The following CYP4F2 variants were observed in gnomAD, a reference collection of about 807,000 sequenced individuals.
The protein encoded by CYP4F2 is cytochrome P450 4F2.
A neutral mutation model predicts 58.9 loss-of-function variants in CYP4F2; 58 were observed. The observed-to-expected ratio is 0.98, with a 90% CI of 0.80 to 1.23. The LOEUF (loss-of-function observed/expected upper bound fraction) is 1.23. Among genes scored for constraint, CYP4F2 ranks in the 50% most tolerant of loss-of-function variants. The probability of loss-of-function intolerance (pLI) is 0.00; values close to 1 mark genes in which losing one functional copy is unlikely to be tolerated. For missense variants in CYP4F2, 616 were observed against 685.6 expected (o/e 0.90, Z 1.13); for synonymous variants, 287 against 261.1 (o/e 1.10, Z -0.95).
At position 15,886,311 on chromosome 19, in the gene CYP4F2, G is replaced by C; in HGVS notation, c.919-3C>G. On this transcript the variant is annotated splice_polypyrimidine_tract_variant and splice_region_variant and intron_variant, in intron 7 of 12. Coordinates refer to ENST00000221700, the MANE Select transcript of CYP4F2 (RefSeq NM_001082.5). Reference sequence around the variant, plus strand: ...GATAACTTCTTCCCGTCTTCATCCTGGAGAGAAGGCAGTAACCCCCCCCAA... The same window carrying C: ...GATAACTTCTTCCCGTCTTCATCCTCGAGAGAAGGCAGTAACCCCCCCCAA... 1.2e-6 allele frequency: 2 copies of C among 1,612,550 alleles called. No homozygotes were observed. The highest frequency in any genetic ancestry group is 1.7e-6 in the Non-Finnish European group (2 of 1,179,818).
Position 15,879,757 on chromosome 19 carries a change from T to G in CYP4F2, c.1249+7A>C, listed in dbSNP as rs1231302039. 1 of 1,613,884 alleles carries G rather than the reference T, an allele frequency of 6.2e-7. No homozygotes were observed. The highest frequency in any genetic ancestry group is 1.3e-5 in the African/African-American group (1 of 74,912). On this transcript the variant is annotated splice_region_variant and intron_variant, in intron 10 of 12. Transcript: ENST00000221700. ...CAGGAGACTCCTCCCCGTGAGGCTG[T>G]GAGCACCTTTGGGGATGACCCGGCC... is the stretch of plus-strand genomic sequence containing the variant.
At position 15,895,534 on chromosome 19, in the gene CYP4F2, G is replaced by A. The variant is rs1319272589; in HGVS notation, c.315C>T (p.Asp105=). The part of the protein sequence containing the change: ...ISPLLSLCHP[D]IIRSVINASA... ...AGGCGTTGATGACAGACCGGATGAT[G>A]TCGGGGTGGCACAAACTGAGGAGGG... Residue 105 remains aspartate, a synonymous_variant, in exon 3 of 13, where the codon GAC becomes GAT. Transcript: ENST00000221700. 6.5e-7 allele frequency: 1 copy of A among 1,543,308 alleles called. No homozygotes were observed. The highest frequency in any genetic ancestry group is 2.4e-5 in the Admixed American group (1 of 42,154).
chr19:15,892,349 G>T lies in CYP4F2; in HGVS notation c.485C>A (p.Pro162His). The T allele has an allele frequency of 6.2e-7, 1 of 1,614,106 alleles. No individual in the cohort carries two copies. Among genetic ancestry groups the T allele is most frequent in the South Asian group, 1.1e-5 (1 of 91,064 alleles). ...ACTCTCATTGAAAATCTTCATATAG[G>T]GCTTCAGGATGTTGAAATGGAAGGC... ...TPAFHFNILKPYMKIFNESVN... is the reference protein window; with the variant it reads ...TPAFHFNILKHYMKIFNESVN... The change falls in exon 5 of 13, where the codon CCC becomes CAC. Residue 162 changes from proline to histidine, a missense_variant. By Grantham distance (77) the Pro-to-His change is moderately conservative (BLOSUM62 -2). Transcript: ENST00000221700.
At position 15,878,855 on chromosome 19, in the gene CYP4F2, A is replaced by G. The variant is rs749602056; in HGVS notation, c.1479T>C (p.Pro493=). ...GCTTCCTGCGGGGCTCGGTGTGGTCAGGCAGGACGCGGAAGCGCAGCAGCG... is the reference window on the plus strand; with the variant it reads ...GCTTCCTGCGGGGCTCGGTGTGGTCGGGCAGGACGCGGAAGCGCAGCAGCG... ...ALTLLRFRVL[P]DHTEPRRKPE... Residue 493 remains proline (P), a synonymous_variant, in exon 13 of 13, where the codon CCT becomes CCC. Coordinates refer to ENST00000221700, the MANE Select transcript of CYP4F2 (RefSeq NM_001082.5). The G allele has an allele frequency of 3.1e-6, 5 of 1,614,056 alleles. No homozygotes were observed. Among genetic ancestry groups the G allele is most frequent in the Non-Finnish European group, 4.2e-6 (5 of 1,179,998 alleles).
intron 7 of CYP4F2, among the ~76,000 whole-genome samples, chr19:15,888,775 C>A (rs2089398287): frequency 6.6e-6 from 1 of 152,076 alleles, no homozygotes; most frequent in South Asian, 2.1e-4. Context: ...ATAGACATAG[C>A]ATTGACATAG....
intron 9 of CYP4F2, among the ~76,000 whole-genome samples, chr19:15,884,102 G>A (rs1213987341): frequency 6.6e-6 from 1 of 151,894 alleles, no homozygotes; most frequent in African/African-American, 2.4e-5. Context: ...AAGAGAGAGA[G>A]GGAGGGAGGG....
In CYP4F2 at chr19:15,894,976, G is replaced by A. The variant is rs567065145; in HGVS notation, c.343+530C>T. On this transcript the variant is annotated intron_variant, in intron 3 of 12. Coordinates refer to ENST00000221700, the MANE Select transcript of CYP4F2 (RefSeq NM_001082.5). ...CCACCAGCCACAAGTCCTCCTCATTGTTCTAGGCTTTGGGACAGGCAAGGT... is the reference window on the plus strand; with the variant it reads ...CCACCAGCCACAAGTCCTCCTCATTATTCTAGGCTTTGGGACAGGCAAGGT... 8.5e-5 allele frequency among the ~76,000 whole-genome samples: 13 copies of A among 152,318 alleles called. No homozygotes were observed. In the East Asian group the frequency reaches 1.4e-3, roughly 16 times the overall value.
intron 3 of CYP4F2, among the ~76,000 whole-genome samples, chr19:15,894,538 G>A (rs3093119): frequency 6.6e-6 from 1 of 152,212 alleles, no homozygotes; most frequent in African/African-American, 2.4e-5. Context: ...CAGTGACCTT[G>A]TGTGAGACCT....
chr19:15,889,642 T>C lies in CYP4F2; in HGVS notation c.699A>G (p.Ser233=). The C allele has an allele frequency of 1.9e-6, 3 of 1,614,126 alleles. No individual in the cohort carries two copies. Among genetic ancestry groups the C allele is most frequent in the Non-Finnish European group, 2.5e-6 (3 of 1,180,006 alleles). The change falls in exon 7 of 13, where the codon TCA becomes TCG. Residue 233 remains serine, a synonymous_variant. Transcript: ENST00000221700. ...GCAGGAGGATCTCATGGTGTCTTTT[T>C]GATACAAGGGCACTGAGCTCCAAGA... ...AAILELSALV[S]KRHHEILLHI...
chr19:15,884,946 T>C (rs1428320174), intron 9 of CYP4F2, among the ~76,000 whole-genome samples: 2 of 152,158 alleles, frequency 1.3e-5, no homozygotes, highest in African/African-American at 2.4e-5. Flanking sequence ...CCTATTGCCA[T>C]TGGGCTAAAA....
intron 6 of CYP4F2, 62 bp downstream of exon 6, chr19:15,890,250 C>T (rs1166256319): frequency 6.2e-7 from 1 of 1,611,928 alleles, no homozygotes; most frequent in Admixed American, 1.7e-5. Context: ...TTAGTCCTCC[C>T]TCTCCCACCT....
At chr19:15,893,345 C>T (rs1223096048) in intron 3 of CYP4F2, among the ~76,000 whole-genome samples, 1 of 151,874 alleles carries the variant, frequency 6.6e-6, no homozygotes, top group African/African-American at 2.4e-5. Context: ...CAGGAGAAAA[C>T]GGCAGTGTCA....
chr19:15,878,999 G>A lies in CYP4F2; in HGVS notation c.1398-63C>T, dbSNP rs895531998. ...AGCCCCATCCTGGCCCCATCAAGCC[G>A]GTAACCTGGCCTGGGACACCCAACC... On this transcript the variant is annotated intron_variant, in intron 12 of 12. Transcript: ENST00000221700. The A allele has an allele frequency of 1.0e-5, 16 of 1,588,844 alleles. 1 individual carries two copies. In the South Asian group the frequency reaches 1.0e-4, roughly 10 times the overall value.
At chr19:15,886,182 C>T in intron 8 of CYP4F2, 60 bp downstream of exon 8, 1 of 1,612,350 alleles carries the variant, frequency 6.2e-7, no homozygotes, top group Non-Finnish European at 8.5e-7. Flanking sequence ...GGTCTACCCA[C>T]CCTGTTCCTG....
At chr19:15,885,084 GCTCT>G (rs757321694) in intron 9 of CYP4F2, among the ~76,000 whole-genome samples, 3 of 150,110 alleles carry the variant, frequency 2.0e-5, no homozygotes, top group South Asian at 2.1e-4. Flanking sequence ...TCCTGACCCT[GCTCT>G]CTCTCTCTCT....
intron 5 of CYP4F2, among the ~76,000 whole-genome samples, chr19:15,890,963 G>A (rs1054365821): frequency 7.9e-5 from 12 of 152,138 alleles, no homozygotes; most frequent in African/African-American, 2.9e-4. Flanking sequence ...ATTGTTTCTG[G>A]CATATGGTAT....
At chr19:15,883,091 C>G (rs932184023) in intron 9 of CYP4F2, among the ~76,000 whole-genome samples, 4 of 152,072 alleles carry the variant, frequency 2.6e-5, no homozygotes, top group African/African-American at 9.7e-5. Context: ...GTTAAGACCT[C>G]AAAAGCACAG....
At chr19:15,887,793 C>T (rs2089389628) in intron 7 of CYP4F2, among the ~76,000 whole-genome samples, 1 of 152,146 alleles carries the variant, frequency 6.6e-6, no homozygotes, top group South Asian at 2.1e-4. Context: ...CAGACATACA[C>T]ACACATACAC....
intron 9 of CYP4F2, among the ~76,000 whole-genome samples, chr19:15,880,690 A>G (rs897657374): frequency 6.6e-6 from 1 of 152,184 alleles, no homozygotes; most frequent in Admixed American, 6.5e-5. Flanking sequence ...CCAAAGAAAA[A>G]GAGCAAAAAA....
Sources: gnomAD v4.1 joint callset for allele counts (sites outside exome capture counted in the v4.1 genomes callset) on GRCh38, gnomAD v4.1.1 for gene constraint, MANE v1.5 for transcripts, NCBI Gene and HGNC (gene_info 2026-07-23, HGNC 2026-07-21) for gene names.